Variants in FAM219A observed in about 807,000 individuals in gnomAD.
The protein encoded by FAM219A is protein FAM219A.
FAM219A carries 7 observed loss-of-function variants against 23.4 expected under a neutral mutation model. The ratio of observed to expected loss-of-function variants is 0.30; its 90% CI spans 0.17 to 0.56. The LOEUF (loss-of-function observed/expected upper bound fraction) is 0.56, where lower values mean the gene tolerates loss of function less well. Among genes scored for constraint, FAM219A ranks in the 20% least tolerant of loss-of-function variants. The probability of loss-of-function intolerance (pLI) is 0.92; values close to 1 mark genes in which losing one functional copy is unlikely to be tolerated. For missense variants in FAM219A, 166 were observed against 246.9 expected (o/e 0.67, Z 2.20); for synonymous variants, 93 against 99.0 (o/e 0.94, Z 0.36).
chr9:34,400,899 C>A lies in FAM219A; in HGVS notation c.*65G>T, dbSNP rs1301028376. ...GCAGGCAGACGAGCTGGGAAGGGGT[C>A]GGCCTCTGCCCGTCCTACCCGGCCC... On this transcript the variant is annotated 3_prime_UTR_variant, in exon 6 of 6. Transcript: ENST00000651358. The A allele has an allele frequency of 2.1e-6, 3 of 1,432,144 alleles. No homozygotes were observed. The highest frequency in any genetic ancestry group is 5.3e-5 in the East Asian group (2 of 37,964). 88.7% of individuals were successfully genotyped at this position (1,432,144 alleles called of 1,614,324 possible). A position where few individuals can be genotyped will look rare whatever the true frequency, so the allele number is the denominator to read the frequency against.
intron 1 of FAM219A, chr9:34,406,195 G>T: frequency 1.3e-6 from 1 of 752,998 alleles, no homozygotes; most frequent in Non-Finnish European, 1.6e-6. Flanking sequence ...CCAACTTGGT[G>T]TCTGTCCTCA....
At chr9:34,421,007 T>TGGGAGAGAGAGA (rs761212084) in intron 1 of FAM219A, among the ~76,000 whole-genome samples, 1 of 76,730 alleles carries the variant, frequency 1.3e-5, no homozygotes, top group Admixed American at 1.3e-4. Flanking sequence ...TGTGTGTGTG[T>TGGGAGAGAGAGA]GTGAGAGAGA....
chr9:34,443,800 C>T (rs1823271301), intron 1 of FAM219A, among the ~76,000 whole-genome samples: 2 of 152,108 alleles, frequency 1.3e-5, no homozygotes, highest in South Asian at 2.1e-4. Flanking sequence ...CCAATTCCTC[C>T]TGTGGGAGCT....
At chr9:34,432,898 A>G (rs534517953) in intron 1 of FAM219A, among the ~76,000 whole-genome samples, 102 of 152,262 alleles carry the variant, frequency 6.7e-4, no homozygotes, top group African/African-American at 2.2e-3. Flanking sequence ...GTGTCTCACA[A>G]TGTTGCCCAC....
intron 2 of FAM219A, 45 bp downstream of exon 2, chr9:34,405,820 T>A: frequency 1.3e-6 from 2 of 1,578,612 alleles, no homozygotes; most frequent in Non-Finnish European, 1.7e-6. Flanking sequence ...GCCCAGAGTA[T>A]CTTGCCTACT....
At chr9:34,452,827 C>T (rs565644024) in intron 1 of FAM219A, among the ~76,000 whole-genome samples, 42 of 152,152 alleles carry the variant, frequency 2.8e-4, no homozygotes, top group Non-Finnish European at 5.6e-4. Context: ...CCTTCCCTGA[C>T]CACTCGATGA....
intron 1 of FAM219A, among the ~76,000 whole-genome samples, chr9:34,436,778 C>T (rs751800165): frequency 7.9e-5 from 12 of 152,182 alleles, no homozygotes; most frequent in Non-Finnish European, 1.5e-4. Flanking sequence ...CAAGCCACCT[C>T]GTTGTATGAC....
intron 1 of FAM219A, among the ~76,000 whole-genome samples, chr9:34,426,558 T>A (rs1822484518): frequency 6.6e-6 from 1 of 152,202 alleles, no homozygotes; most frequent in African/African-American, 2.4e-5. Flanking sequence ...AGCATGCAGA[T>A]AGGAACAGGC....
intron 1 of FAM219A, among the ~76,000 whole-genome samples, chr9:34,443,517 C>A (rs1419994113): frequency 6.6e-6 from 1 of 152,206 alleles, no homozygotes; most frequent in South Asian, 2.1e-4. Context: ...TTGGGAATTA[C>A]AGACAGAAAA....
chr9:34,419,760 T>C (rs1822190141), intron 1 of FAM219A, among the ~76,000 whole-genome samples: 1 of 152,224 alleles, frequency 6.6e-6, no homozygotes, highest in Non-Finnish European at 1.5e-5. Context: ...CACTGGTTCA[T>C]AAATCTTTGG....
At chr9:34,426,438 A>T (rs1037351808) in intron 1 of FAM219A, among the ~76,000 whole-genome samples, 4 of 152,178 alleles carry the variant, frequency 2.6e-5, no homozygotes, top group Non-Finnish European at 5.9e-5. Context: ...GGATTCTGAG[A>T]TAATTTTTCA....
chr9:34,447,867 G>A (rs1373583568), intron 1 of FAM219A, among the ~76,000 whole-genome samples: 1 of 150,700 alleles, frequency 6.6e-6, no homozygotes, highest in East Asian at 2.0e-4. Flanking sequence ...GAAAAAAACA[G>A]TTTTCTTCAT....
intron 1 of FAM219A, among the ~76,000 whole-genome samples, chr9:34,427,101 A>G (rs1186672323): frequency 2.0e-5 from 3 of 152,130 alleles, no homozygotes; most frequent in Non-Finnish European, 2.9e-5. Flanking sequence ...TGGGGTATCA[A>G]TATCCTTTTT....
rs1326389110 is a variant in FAM219A, at chr9:34,398,248, C to T, written c.*2716G>A. ...ACGATACACAACCAAGGATGATGGT[C>T]AATACTGCAATGAAAATGTTAAAAA... On this transcript the variant is annotated 3_prime_UTR_variant, in exon 6 of 6. Transcript: ENST00000651358. 7.8e-6 allele frequency: 12 copies of T among 1,546,084 alleles called. No individual in the cohort carries two copies. The highest frequency in any genetic ancestry group is 2.0e-5 in the Admixed American group (1 of 50,972).
In FAM219A at chr9:34,402,757, C is replaced by G; in HGVS notation, c.211G>C (p.Gly71Arg). ...RKGSLKNGSM[G>R]SPVNQQPKKN... ...TTGGGTTGCTGGTTGACAGGGCTAC[C>G]CATGCTGCCATTCTTCAGGGAGCCC... The change falls in exon 3 of 6, where the codon GGT (glycine) becomes CGT (arginine). Residue 71 changes from glycine (G) to arginine (R), a missense_variant. Transcript: ENST00000651358. 1 of 1,614,194 alleles carries G rather than the reference C, an allele frequency of 6.2e-7. No homozygotes were observed. Among genetic ancestry groups the G allele is most frequent in the Non-Finnish European group, 8.5e-7 (1 of 1,180,036 alleles).
Position 34,422,444 on chromosome 9 carries a change from TAA to T in FAM219A, c.61-16482_61-16481del, listed in dbSNP as rs909328637. The stretch of plus-strand genomic sequence containing the variant: ...CCCAGCCCCTTCTCAGAGACTTAGA[TAA>T]AGTCATGAGATTAACAACGTACCAG... On this transcript the variant is annotated intron_variant, in intron 1 of 5. Coordinates refer to ENST00000651358, the MANE Select transcript of FAM219A (RefSeq NM_001184940.2). Among the ~76,000 whole-genome samples the T allele has an allele frequency of 3.9e-5, 6 of 152,228 alleles. 1 individual carries two copies. Among genetic ancestry groups the T allele is most frequent in the Admixed American group, 2.6e-4 (4 of 15,282 alleles).
intron 1 of FAM219A, among the ~76,000 whole-genome samples, chr9:34,442,100 A>T (rs1157068288): frequency 2.0e-5 from 3 of 152,250 alleles, no homozygotes; most frequent in East Asian, 3.8e-4. Flanking sequence ...TATGAAATAC[A>T]TACACATCAC....
intron 1 of FAM219A, among the ~76,000 whole-genome samples, chr9:34,416,248 AAAGAAAGAAAGG>A (rs1822014229): frequency 8.6e-6 from 1 of 116,292 alleles, no homozygotes. Context: ...AGAAAGAAAG[AAAGAAAGAAAGG>A]GGGAGGGAGG....
chr9:34,414,222 C>T (rs1420207864), intron 1 of FAM219A, among the ~76,000 whole-genome samples: 1 of 152,212 alleles, frequency 6.6e-6, no homozygotes, highest in East Asian at 1.9e-4. Context: ...TGACTCCACA[C>T]CTCAACATAT....
Sources: allele counts gnomAD v4.1 joint callset (sites outside exome capture counted in the v4.1 genomes callset), GRCh38; gene constraint gnomAD v4.1.1; transcripts MANE v1.5; gene names NCBI Gene and HGNC (gene_info 2026-07-23, HGNC 2026-07-21).